MRPS35: variants seen among roughly 807,000 people sequenced by gnomAD.
MRPS35 encodes the protein mitochondrial ribosomal protein S35.
A neutral mutation model predicts 32.7 loss-of-function variants in MRPS35; 29 were observed. That is an observed-to-expected ratio of 0.89 (90% CI 0.66 to 1.21). The LOEUF (loss-of-function observed/expected upper bound fraction) is 1.21. Among genes scored for constraint, MRPS35 ranks in the 50% most tolerant of loss-of-function variants. The probability of loss-of-function intolerance (pLI) is 0.00; values close to 1 mark genes in which losing one functional copy is unlikely to be tolerated. For synonymous variants in MRPS35, 148 were observed against 139.3 expected (o/e 1.06, Z -0.44); for missense variants, 373 against 383.8 (o/e 0.97, Z 0.23).
In MRPS35 at chr12:27,755,497, T is replaced by A; in HGVS notation, c.*47T>A. On this transcript the variant is annotated 3_prime_UTR_variant, in exon 8 of 8. Coordinates refer to ENST00000081029, the MANE Select transcript of MRPS35 (RefSeq NM_021821.4). Reference sequence around the variant, plus strand: ...CTTGATTTATTAATTTTATGATATATGTGATCAGTATCTAATTTGATATAA... The same window carrying A: ...CTTGATTTATTAATTTTATGATATAAGTGATCAGTATCTAATTTGATATAA... The A allele has an allele frequency of 2.1e-6, 3 of 1,435,140 alleles. No homozygotes were observed. Among genetic ancestry groups the A allele is most frequent in the Non-Finnish European group, 2.8e-6 (3 of 1,075,946 alleles). The allele number at this position is 1,435,140 out of a possible 1,614,324, so 88.9% of individuals were successfully genotyped here. A position where few individuals can be genotyped will look rare whatever the true frequency, so the allele number is the denominator to read the frequency against.
chr12:27,726,960 C>CTTTTT (rs140813983), intron 5 of MRPS35, among the ~76,000 whole-genome samples: 2 of 123,264 alleles, frequency 1.6e-5, no homozygotes, highest in African/African-American at 3.1e-5. Context: ...TGATGATGTC[C>CTTTTT]TTTTTTTTTT....
chr12:27,735,731 C>G (rs887723974), intron 6 of MRPS35, among the ~76,000 whole-genome samples, 175 bp downstream of exon 6: 1 of 152,200 alleles, frequency 6.6e-6, no homozygotes, highest in Non-Finnish European at 1.5e-5. Flanking sequence ...CCTACTATTG[C>G]TGTGATCTTT....
At position 27,756,151 on chromosome 12, in the gene MRPS35, A is replaced by C. The variant is rs1310240686; in HGVS notation, c.*701A>C. ...AACGACCTTGAATGTAATTGGAGTA[A>C]GTGACAAAATAAGAACTACCCTGGG... On this transcript the variant is annotated 3_prime_UTR_variant, in exon 8 of 8. Coordinates refer to ENST00000081029, the MANE Select transcript of MRPS35 (RefSeq NM_021821.4). 3.3e-5 allele frequency: 5 copies of C among 152,376 alleles called. No homozygotes were observed. Among genetic ancestry groups the C allele is most frequent in the African/African-American group, 1.2e-4 (5 of 41,594 alleles). 9.4% of individuals were successfully genotyped at this position (152,376 alleles called of 1,614,324 possible).
chr12:27,755,257 G>C lies in MRPS35; in HGVS notation c.779G>C (p.Arg260Thr). The change falls in exon 8 of 8, where the codon AGA becomes ACA. Residue 260 changes from arginine to threonine, a missense_variant. Transcript: ENST00000081029. ...EYIWENSSSE[R>T]NILETLLQMK... The stretch of plus-strand genomic sequence containing the variant: ...ATATGGGAAAATAGCTCATCAGAAA[G>C]AAATATCCTGGAAACGCTTCTCCAG... 6.2e-7 allele frequency: 1 copy of C among 1,611,486 alleles called. No individual in the cohort carries two copies.
intron 4 of MRPS35, among the ~76,000 whole-genome samples, chr12:27,722,778 A>G (rs1272400386): frequency 6.6e-6 from 1 of 152,254 alleles, no homozygotes; most frequent in Admixed American, 6.5e-5. Context: ...GTGTTCAAGG[A>G]ATGGAGTGAA....
chr12:27,711,646 C>T (rs2061824705), intron 1 of MRPS35, among the ~76,000 whole-genome samples: 1 of 151,918 alleles, frequency 6.6e-6, no homozygotes, highest in Admixed American at 6.6e-5. Context: ...TACCAACTAT[C>T]TAGTTCAGGT....
At chr12:27,753,090 G>C (rs1270559025) in intron 7 of MRPS35, 2 of 151,708 alleles carry the variant, frequency 1.3e-5, no homozygotes, top group African/African-American at 4.8e-5. Context: ...CACAGAGTTG[G>C]TTCTCAACTG....
At chr12:27,724,218 T>C in intron 5 of MRPS35, 32 bp downstream of exon 5, 1 of 1,510,818 alleles carries the variant, frequency 6.6e-7, no homozygotes, top group Non-Finnish European at 8.8e-7. Context: ...TTTTTTTAAA[T>C]AAGAATCATT....
At chr12:27,751,102 CAAAAAAAAAA>C (rs71438703) in intron 7 of MRPS35, among the ~76,000 whole-genome samples, 3 of 38,134 alleles carry the variant, frequency 7.9e-5, no homozygotes, top group Non-Finnish European at 1.3e-4. Context: ...GACTCCATCT[CAAAAAAAAAA>C]AAAAAAAAAA....
rs770930670 is a variant in MRPS35, at chr12:27,731,423, C to T, written c.523-4024C>T. ...AGAAATGTGTTGAAAATCTATGCAACCATTTTCGCATTATGTACTAGCAAA... is the reference window on the plus strand; with the variant it reads ...AGAAATGTGTTGAAAATCTATGCAATCATTTTCGCATTATGTACTAGCAAA... On this transcript the variant is annotated intron_variant, in intron 5 of 7. Coordinates refer to ENST00000081029, the MANE Select transcript of MRPS35 (RefSeq NM_021821.4). 3.9e-5 allele frequency among the ~76,000 whole-genome samples: 6 copies of T among 152,174 alleles called. 1 individual carries two copies. The highest frequency in any genetic ancestry group is 7.2e-5 in the African/African-American group (3 of 41,426).
rs745776749 is a variant in MRPS35 at position 27,716,382 on chromosome 12, C to G, written c.245C>G (p.Pro82Arg). The G allele has an allele frequency of 6.2e-7, 1 of 1,614,192 alleles. No homozygotes were observed. Among genetic ancestry groups the G allele is most frequent in the South Asian group, 1.1e-5 (1 of 91,082 alleles). Reference protein sequence around the residue: ...VAAPFKPSAVPLPVRMGYPVK... With the variant: ...VAAPFKPSAVRLPVRMGYPVK... ...GCACCATTTAAACCCTCTGCAGTAC[C>G]TCTTCCTGTTCGAATGGGTTATCCA... The change falls in exon 3 of 8, where the codon CCT becomes CGT. Residue 82 changes from proline (P) to arginine (R), a missense_variant. Transcript: ENST00000081029.
intron 2 of MRPS35, among the ~76,000 whole-genome samples, chr12:27,715,913 G>A (rs909759078): frequency 1.3e-5 from 2 of 151,770 alleles, no homozygotes; most frequent in Non-Finnish European, 2.9e-5. Flanking sequence ...AGTACTTAAC[G>A]CCCCCTCATG....
At chr12:27,718,406 C>T (rs1345622151) in intron 3 of MRPS35, among the ~76,000 whole-genome samples, 2 of 152,148 alleles carry the variant, frequency 1.3e-5, no homozygotes, top group Admixed American at 1.3e-4. Context: ...GAGCAAGACT[C>T]CATCTCAAAA....
chr12:27,735,691 T>TA, intron 6 of MRPS35, 135 bp downstream of exon 6: 1 of 653,624 alleles, frequency 1.5e-6, no homozygotes, highest in South Asian at 1.9e-5. Flanking sequence ...CAGAGTTCTC[T>TA]AATTCATATT....
At chr12:27,754,633 G>C (rs916276665) in intron 7 of MRPS35, among the ~76,000 whole-genome samples, 12 of 152,022 alleles carry the variant, frequency 7.9e-5, no homozygotes, top group African/African-American at 2.2e-4. Flanking sequence ...CAGGCATGGT[G>C]GTGGGCGCCT....
chr12:27,752,268 C>T (rs1280954372), intron 7 of MRPS35, among the ~76,000 whole-genome samples: 1 of 152,060 alleles, frequency 6.6e-6, no homozygotes, highest in Non-Finnish European at 1.5e-5. Context: ...ATTCGAGGCT[C>T]ACCTGGCTGC....
intron 7 of MRPS35, among the ~76,000 whole-genome samples, chr12:27,748,572 A>G (rs1277864364): frequency 6.6e-6 from 1 of 152,110 alleles, no homozygotes; most frequent in Non-Finnish European, 1.5e-5. Context: ...CTAAGTGATG[A>G]TCAGTTTGAG....
Position 27,755,486 on chromosome 12 carries a change from T to G in MRPS35, c.*36T>G. 6.8e-7 allele frequency: 1 copy of G among 1,477,232 alleles called. No homozygotes were observed. Among genetic ancestry groups the G allele is most frequent in the Non-Finnish European group, 9.0e-7 (1 of 1,110,142 alleles). The allele number at this position is 1,477,232 out of a possible 1,614,324, so 91.5% of individuals were successfully genotyped here. ...AGAAAAATCTGCTTGATTTATTAAT[T>G]TTATGATATATGTGATCAGTATCTA... On this transcript the variant is annotated 3_prime_UTR_variant, in exon 8 of 8. Transcript: ENST00000081029.
At position 27,710,849 on chromosome 12, in the gene MRPS35, G is replaced by T; in HGVS notation, c.6G>T (p.Ala2=). Residue 2 remains alanine (A), a synonymous_variant, in exon 1 of 8, where the codon GCG becomes GCT. Coordinates refer to ENST00000081029, the MANE Select transcript of MRPS35 (RefSeq NM_021821.4). ...GGCTTGCCGTCCTCGCAGCCATGGC[G>T]GCCGCCGCGCTCCCAGCATGGCTGT... M[A]AAALPAWLSL... is the part of the protein sequence containing the mutation. 1 of 1,605,644 alleles carries T rather than the reference G, an allele frequency of 6.2e-7. No individual in the cohort carries two copies.
Sources: allele counts gnomAD v4.1 joint callset (sites outside exome capture counted in the v4.1 genomes callset), GRCh38; gene constraint gnomAD v4.1.1; transcripts MANE v1.5; gene names NCBI Gene and HGNC (gene_info 2026-07-23, HGNC 2026-07-21).